The following DGKG variants were observed in gnomAD, a reference collection of about 807,000 sequenced individuals.
The protein encoded by DGKG is diacylglycerol kinase gamma, also known as DAG kinase gamma.
DGKG carries 78 observed loss-of-function variants against 105.3 expected under a neutral mutation model. The ratio of observed to expected loss-of-function variants is 0.74; its 90% CI spans 0.62 to 0.89. DGKG has a LOEUF of 0.89. Among genes scored for constraint, DGKG ranks in the 40% least tolerant of loss-of-function variants. DGKG has a pLI of 0.00. For synonymous variants in DGKG, 346 were observed against 367.1 expected (o/e 0.94, Z 0.66); for missense variants, 958 against 1,020.1 (o/e 0.94, Z 0.83).
At chr3:186,358,332 A>C (rs1480346784) in intron 1 of DGKG, among the ~76,000 whole-genome samples, 1 of 152,236 alleles carries the variant, frequency 6.6e-6, no homozygotes, top group East Asian at 1.9e-4. Flanking sequence ...GGCTTCCCTG[A>C]AGGATGTTTC....
chr3:186,224,162 C>T (rs1167476944), intron 20 of DGKG, among the ~76,000 whole-genome samples: 1 of 152,208 alleles, frequency 6.6e-6, no homozygotes, highest in African/African-American at 2.4e-5. Context: ...GTTTGGTCCT[C>T]AAGTATCTGG....
At chr3:186,157,398 T>C (rs1338125542) in intron 24 of DGKG, among the ~76,000 whole-genome samples, 1 of 152,162 alleles carries the variant, frequency 6.6e-6, no homozygotes, top group Non-Finnish European at 1.5e-5. Flanking sequence ...TTATGTCATA[T>C]TTATATATAG....
chr3:186,317,258 G>C (rs1210222030), intron 2 of DGKG, among the ~76,000 whole-genome samples: 1 of 152,246 alleles, frequency 6.6e-6, no homozygotes, highest in East Asian at 1.9e-4. Flanking sequence ...TCCTGATAGA[G>C]GCATACCTTA....
chr3:186,229,259 T>A (rs1720011471), intron 20 of DGKG, among the ~76,000 whole-genome samples: 1 of 151,432 alleles, frequency 6.6e-6, no homozygotes, highest in Non-Finnish European at 1.5e-5. Context: ...TTTTTTTTTT[T>A]AGATGGAGTC....
intron 17 of DGKG, among the ~76,000 whole-genome samples, chr3:186,257,450 C>T (rs1012120661): frequency 5.9e-5 from 9 of 152,148 alleles, no homozygotes; most frequent in Non-Finnish European, 1.0e-4. Context: ...ACTCAGGCTC[C>T]GGGTGTTCAT....
rs923119007 is a variant in DGKG at position 186,347,534 on chromosome 3, T to A, written c.-249+14412A>T. 3.9e-5 allele frequency among the ~76,000 whole-genome samples: 6 copies of A among 152,234 alleles called. No homozygotes were observed. The East Asian group carries it at 1.2e-3, about 29-fold the overall frequency. On this transcript the variant is annotated intron_variant, in intron 1 of 24. Coordinates refer to ENST00000265022, the MANE Select transcript of DGKG (RefSeq NM_001346.3). ...TGACCTGGCTTCTATCATCTTATTT[T>A]ATACTTTTTATATTAATGTTTCCTT...
In DGKG at chr3:186,206,288, G is replaced by A. The variant is rs1333103370; in HGVS notation, c.1917+5507C>T. Among the ~76,000 whole-genome samples the A allele has an allele frequency of 7.9e-5, 12 of 152,086 alleles. No individual in the cohort carries two copies. In the East Asian group the frequency reaches 2.1e-3, roughly 27 times the overall value. ...AGTCTCAGGTACTTGGGAGGCTGAG[G>A]GAGGAGAATCACTTGAACCTGGGAG... On this transcript the variant is annotated intron_variant, in intron 21 of 24. Transcript: ENST00000265022.
chr3:186,312,106 G>C (rs1724578823), intron 2 of DGKG, among the ~76,000 whole-genome samples: 2 of 88,122 alleles, frequency 2.3e-5, no homozygotes, highest in African/African-American at 7.8e-5. Context: ...CTGGGCGACA[G>C]AGCGAGACTC....
chr3:186,177,453 G>A (rs756710456), intron 22 of DGKG, among the ~76,000 whole-genome samples: 3 of 152,170 alleles, frequency 2.0e-5, no homozygotes, highest in Non-Finnish European at 4.4e-5. Flanking sequence ...TGCATTGCAT[G>A]GTGCTGGGCA....
In DGKG at chr3:186,275,678, A is replaced by G. The variant is rs201617232; in HGVS notation, c.793-14T>C. On this transcript the variant is annotated splice_polypyrimidine_tract_variant and intron_variant, in intron 9 of 24. Transcript: ENST00000265022. ...CCCCTTGGAGCCCTGCAGGGGTAAT[A>G]GGAGGTGAGACCCCAAGCTGGCTGC... The G allele has an allele frequency of 1.9e-4, 297 of 1,604,632 alleles. 6 individuals carry two copies. In the African/African-American group the frequency reaches 3.4e-3, roughly 18 times the overall value.
At chr3:186,347,411 T>C (rs1343872035) in intron 1 of DGKG, among the ~76,000 whole-genome samples, 2 of 128,414 alleles carry the variant, frequency 1.6e-5, no homozygotes, top group Non-Finnish European at 3.1e-5. Context: ...CCACAGCCGC[T>C]GCACTCCAGC....
chr3:186,253,422 G>A (rs1289837533), intron 17 of DGKG, among the ~76,000 whole-genome samples: 1 of 152,134 alleles, frequency 6.6e-6, no homozygotes, highest in Non-Finnish European at 1.5e-5. Context: ...CTGTATCCCT[G>A]CAACTTGCAT....
chr3:186,298,396 G>A (rs1723702472), intron 3 of DGKG, among the ~76,000 whole-genome samples, 167 bp from the exon 4 acceptor site: 1 of 152,222 alleles, frequency 6.6e-6, no homozygotes, highest in Non-Finnish European at 1.5e-5. Flanking sequence ...GGAAGTGATA[G>A]ACAATGAGAG....
At chr3:186,223,719 C>A (rs1172470130) in intron 20 of DGKG, among the ~76,000 whole-genome samples, 1 of 152,224 alleles carries the variant, frequency 6.6e-6, no homozygotes, top group Non-Finnish European at 1.5e-5. Flanking sequence ...TTTTGAAAAT[C>A]TCATCCATAT....
At chr3:186,190,536 T>C (rs1717857075) in intron 21 of DGKG, among the ~76,000 whole-genome samples, 1 of 152,212 alleles carries the variant, frequency 6.6e-6, no homozygotes, top group South Asian at 2.1e-4. Context: ...TGATAAAGAT[T>C]GCACTGGCCA....
At chr3:186,281,138 A>G (rs144999293) in intron 7 of DGKG, 295 of 171,636 alleles carry the variant, frequency 1.7e-3, no homozygotes, top group African/African-American at 6.4e-3. Context: ...TCATCCCCAC[A>G]GCTGTAGCAA....
chr3:186,350,723 C>T (rs1175262870), intron 1 of DGKG, among the ~76,000 whole-genome samples: 1 of 152,182 alleles, frequency 6.6e-6, no homozygotes, highest in Non-Finnish European at 1.5e-5. Context: ...TACAAGAGTT[C>T]CAATTGCTCT....
At chr3:186,267,828 CA>C (rs1560124591) in intron 12 of DGKG, 51 bp from the exon 13 acceptor site, 5 of 1,558,960 alleles carry the variant, frequency 3.2e-6, no homozygotes, top group East Asian at 4.5e-5. Context: ...AAAGAAACAT[CA>C]AACATGAAGG....
In DGKG at chr3:186,257,868, A is replaced by G. The variant is rs1163275551; in HGVS notation, c.1496T>C (p.Ile499Thr). The G allele has an allele frequency of 2.5e-6, 4 of 1,613,896 alleles. No individual in the cohort carries two copies. Among genetic ancestry groups the G allele is most frequent in the Non-Finnish European group, 3.4e-6 (4 of 1,179,882 alleles). ...CCCATGCTTACCAATGCAATCCAAA[A>G]TCCAGCCAACTGTCCCATCTCCACC... ...ACGGDGTVGW[I>T]LDCIDKANFA... Residue 499 changes from isoleucine (I) to threonine (T), a missense_variant, in exon 17 of 25, where the codon ATT (isoleucine) becomes ACT (threonine). Transcript: ENST00000265022.
Sources: gnomAD v4.1 joint callset for allele counts (sites outside exome capture counted in the v4.1 genomes callset) on GRCh38, gnomAD v4.1.1 for gene constraint, MANE v1.5 for transcripts, NCBI Gene and HGNC (gene_info 2026-07-23, HGNC 2026-07-21) for gene names.